Variants in GPC6 observed in about 807,000 individuals in gnomAD.
The protein encoded by GPC6 is glypican-6.
GPC6 carries 14 observed loss-of-function variants against 55.2 expected under a neutral mutation model. The observed-to-expected ratio is 0.25, with a 90% CI of 0.17 to 0.40. The LOEUF is 0.40. Among genes scored for constraint, GPC6 ranks in the 10% least tolerant of loss-of-function variants. GPC6 has a pLI of 1.00. For missense variants in GPC6, 641 were observed against 708.5 expected (o/e 0.90, Z 1.08); for synonymous variants, 278 against 259.6 (o/e 1.07, Z -0.68).
Position 93,864,599 on chromosome 13 carries a change from C to G in GPC6, c.711+34054C>G, listed in dbSNP as rs9584162. On this transcript the variant is annotated intron_variant, in intron 3 of 8. Transcript: ENST00000377047. Reference sequence around the variant, plus strand: ...GGATGTAACAGGGCAGTAATAAAAGCTAATATTTATTGACCACTTGCTCTG... The same window carrying G: ...GGATGTAACAGGGCAGTAATAAAAGGTAATATTTATTGACCACTTGCTCTG... Among the ~76,000 whole-genome samples, 952 of 151,834 alleles carry G rather than the reference C, an allele frequency of 6.3e-3. 15 individuals carry two copies. Among genetic ancestry groups the G allele is most frequent in the African/African-American group, 0.022 (915 of 41,482 alleles).
chr13:93,890,740 A>C (rs1434002047), intron 3 of GPC6, among the ~76,000 whole-genome samples: 1 of 137,370 alleles, frequency 7.3e-6, no homozygotes, highest in African/African-American at 2.7e-5. Flanking sequence ...TTTTGCTTAG[A>C]AAGTTATATT....
intron 1 of GPC6, among the ~76,000 whole-genome samples, chr13:93,360,794 C>G (rs999683057): frequency 6.6e-6 from 1 of 152,086 alleles, no homozygotes; most frequent in Non-Finnish European, 1.5e-5. Flanking sequence ...AATAGGTTCA[C>G]AGTTCAACTC....
chr13:93,976,482 T>C (rs1444849759), intron 3 of GPC6, among the ~76,000 whole-genome samples: 6 of 151,804 alleles, frequency 4.0e-5, no homozygotes, highest in Admixed American at 3.9e-4. Context: ...AAAGAATTAA[T>C]ACGAGGACCT....
At chr13:94,110,579 G>A (rs368318243) in intron 4 of GPC6, among the ~76,000 whole-genome samples, 3 of 152,044 alleles carry the variant, frequency 2.0e-5, no homozygotes, top group Admixed American at 2.0e-4. Flanking sequence ...AAATAACAGA[G>A]GAGATTTTTG....
chr13:94,150,408 G>C (rs2138894493), intron 4 of GPC6, among the ~76,000 whole-genome samples: 1 of 151,976 alleles, frequency 6.6e-6, no homozygotes, highest in African/African-American at 2.4e-5. Flanking sequence ...AGTTAGCTTT[G>C]AAGTCTCAGC....
intron 2 of GPC6, among the ~76,000 whole-genome samples, chr13:93,738,845 G>A (rs12585475): frequency 0.44 from 66,242 of 151,674 alleles, 15,684 homozygotes; most frequent in East Asian, 0.75. Context: ...TGTTTTAGCA[G>A]TTCTCTAGTT....
intron 3 of GPC6, among the ~76,000 whole-genome samples, chr13:94,005,060 C>T (rs1881959359): frequency 6.6e-6 from 1 of 152,110 alleles, no homozygotes; most frequent in Non-Finnish European, 1.5e-5. Context: ...AGGCTGACTC[C>T]ATCCCCCAGC....
intron 2 of GPC6, among the ~76,000 whole-genome samples, chr13:93,813,222 C>T (rs1403519723): frequency 1.3e-5 from 2 of 152,050 alleles, no homozygotes; most frequent in African/African-American, 4.8e-5. Context: ...TCGAGACCAG[C>T]CTGATCAACT....
intron 1 of GPC6, among the ~76,000 whole-genome samples, chr13:93,504,525 T>C (rs1880639127): frequency 6.9e-6 from 1 of 144,310 alleles, no homozygotes; most frequent in Non-Finnish European, 1.5e-5. Context: ...GGATTGTAAC[T>C]TTTTTGGGGT....
intron 2 of GPC6, among the ~76,000 whole-genome samples, chr13:93,585,272 G>C (rs1244268054): frequency 4.6e-5 from 7 of 152,000 alleles, no homozygotes. Context: ...TTTTTCTCAG[G>C]AAAGTTAAAG....
chr13:93,803,394 C>T (rs1886439635), intron 2 of GPC6, among the ~76,000 whole-genome samples: 1 of 152,004 alleles, frequency 6.6e-6, no homozygotes, highest in African/African-American at 2.4e-5. Context: ...ATACCTTTTC[C>T]TACCCATTAT....
intron 1 of GPC6, among the ~76,000 whole-genome samples, chr13:93,535,303 T>TC (rs1566409676): frequency 6.6e-6 from 1 of 152,154 alleles, no homozygotes; most frequent in Non-Finnish European, 1.5e-5. Context: ...ATCAAATACT[T>TC]GTAGGTGTCA....
chr13:94,375,465 C>A (rs1259356413), intron 6 of GPC6, among the ~76,000 whole-genome samples: 2 of 151,992 alleles, frequency 1.3e-5, no homozygotes, highest in African/African-American at 4.8e-5. Context: ...GGATAAATTC[C>A]TTGACACATA....
At chr13:93,450,609 C>T (rs979612719) in intron 1 of GPC6, 1 of 241,358 alleles carries the variant, frequency 4.1e-6, no homozygotes, top group Admixed American at 6.5e-5. Flanking sequence ...CTGCACTTTG[C>T]ATAGAAGAGA....
At chr13:94,345,129 A>C (rs1461509035) in intron 6 of GPC6, among the ~76,000 whole-genome samples, 1 of 152,236 alleles carries the variant, frequency 6.6e-6, no homozygotes, top group Admixed American at 6.5e-5. Context: ...GCAGATAATA[A>C]AATTCACCCT....
At chr13:94,013,414 G>T (rs929696383) in intron 3 of GPC6, among the ~76,000 whole-genome samples, 5 of 152,044 alleles carry the variant, frequency 3.3e-5, no homozygotes, top group African/African-American at 1.2e-4. Context: ...GCTATGGCGC[G>T]ATCTCAGCTC....
At chr13:93,951,175 A>G (rs1879237432) in intron 3 of GPC6, among the ~76,000 whole-genome samples, 1 of 152,084 alleles carries the variant, frequency 6.6e-6, no homozygotes, top group Non-Finnish European at 1.5e-5. Context: ...CCCACTCCTA[A>G]ACAGCCTCTT....
At chr13:93,594,312 C>T (rs562916558) in intron 2 of GPC6, among the ~76,000 whole-genome samples, 2 of 152,076 alleles carry the variant, frequency 1.3e-5, no homozygotes, top group South Asian at 4.1e-4. Context: ...GATCCTCTTC[C>T]TCCTCCCACC....
intron 1 of GPC6, among the ~76,000 whole-genome samples, chr13:93,330,043 C>T (rs1383351443): frequency 6.6e-6 from 1 of 152,110 alleles, no homozygotes; most frequent in Non-Finnish European, 1.5e-5. Flanking sequence ...AGAATAAAGA[C>T]CAAAGTCAGC....
Sources: allele counts gnomAD v4.1 joint callset (sites outside exome capture counted in the v4.1 genomes callset), GRCh38; gene constraint gnomAD v4.1.1; transcripts MANE v1.5; gene names NCBI Gene and HGNC (gene_info 2026-07-23, HGNC 2026-07-21).